The following PRKCA variants were observed in gnomAD, a reference collection of about 807,000 sequenced individuals.
PRKCA encodes the protein protein kinase C alpha type.
In PRKCA, 27 loss-of-function variants were observed where a neutral mutation model predicts 87.0. The observed-to-expected ratio is 0.31, with a 90% CI of 0.23 to 0.43. The LOEUF is 0.43. Among genes scored for constraint, PRKCA ranks in the 20% least tolerant of loss-of-function variants. The probability of loss-of-function intolerance (pLI) is 1.00; values close to 1 mark genes in which losing one functional copy is unlikely to be tolerated. For missense variants in PRKCA, 518 were observed against 852.3 expected, an observed-to-expected ratio of 0.61 and a Z score of 4.88; for synonymous variants, 329 against 311.1, an observed-to-expected ratio of 1.06 and a Z score of -0.61.
chr17:66,806,730 C>G lies in PRKCA; in HGVS notation c.*2693C>G, dbSNP rs956456162. 4.6e-5 allele frequency: 7 copies of G among 152,252 alleles called. No homozygotes were observed. Among genetic ancestry groups the G allele is most frequent in the Non-Finnish European group, 8.8e-5 (6 of 68,062 alleles). 9.4% of individuals were successfully genotyped at this position (152,252 alleles called of 1,614,324 possible). The stretch of plus-strand genomic sequence containing the variant: ...CCCCAACACCCACAAGTTTGTTTCT[C>G]TAGGAAACACATTCACTGTCTCAGC... On this transcript the variant is annotated 3_prime_UTR_variant, in exon 17 of 17. Coordinates refer to ENST00000413366, the MANE Select transcript of PRKCA (RefSeq NM_002737.3).
chr17:66,399,917 A>G (rs1042087969), intron 2 of PRKCA, among the ~76,000 whole-genome samples: 4 of 152,298 alleles, frequency 2.6e-5, no homozygotes, highest in Admixed American at 6.5e-5. Flanking sequence ...GAATATTTGC[A>G]TAATTCTTCC....
At chr17:66,459,083 G>A (rs536102318) in intron 2 of PRKCA, among the ~76,000 whole-genome samples, 3 of 152,094 alleles carry the variant, frequency 2.0e-5, no homozygotes, top group Middle Eastern at 3.4e-3. Flanking sequence ...AAAAAAAAAA[G>A]GGATAATGAT....
intron 14 of PRKCA, among the ~76,000 whole-genome samples, chr17:66,780,406 G>T (rs1180784862): frequency 6.6e-6 from 1 of 152,160 alleles, no homozygotes; most frequent in Non-Finnish European, 1.5e-5. Flanking sequence ...GCTGGGTACG[G>T]TGGTTCACAC....
chr17:66,328,163 C>T (rs1906100359), intron 2 of PRKCA, among the ~76,000 whole-genome samples: 1 of 152,114 alleles, frequency 6.6e-6, no homozygotes. Flanking sequence ...GCCTCAGCCT[C>T]CAGAGTAGCT....
chr17:66,541,433 T>C (rs1237549677), intron 3 of PRKCA, among the ~76,000 whole-genome samples: 1 of 152,240 alleles, frequency 6.6e-6, no homozygotes, highest in African/African-American at 2.4e-5. Context: ...CTGTTGCTTA[T>C]ATTGATTTCT....
chr17:66,802,728 T>A (rs931149980), intron 16 of PRKCA, among the ~76,000 whole-genome samples: 6 of 152,188 alleles, frequency 3.9e-5, no homozygotes, highest in African/African-American at 1.4e-4. Flanking sequence ...GTGTGATTGT[T>A]CTCCCAGTGT....
At chr17:66,516,081 G>A (rs770872598) in intron 3 of PRKCA, among the ~76,000 whole-genome samples, 1 of 152,198 alleles carries the variant, frequency 6.6e-6, no homozygotes, top group Non-Finnish European at 1.5e-5. Context: ...TTGAAGCAAA[G>A]CATGTGTATT....
At chr17:66,517,171 C>T (rs373521514) in intron 3 of PRKCA, among the ~76,000 whole-genome samples, 1 of 152,062 alleles carries the variant, frequency 6.6e-6, no homozygotes, top group African/African-American at 2.4e-5. Flanking sequence ...GTAGTCCCAG[C>T]TACTTGGGAG....
chr17:66,747,430 G>A (rs528930491), intron 13 of PRKCA, among the ~76,000 whole-genome samples: 2 of 152,274 alleles, frequency 1.3e-5, no homozygotes, highest in East Asian at 1.9e-4. Flanking sequence ...TCGCTATGGC[G>A]GGGGCTACGT....
rs138794065 is a variant in PRKCA at position 66,610,809 on chromosome 17, C to T, written c.289-30546C>T. Among the ~76,000 whole-genome samples, 306 of 152,158 alleles carry T rather than the reference C, an allele frequency of 2.0e-3. 1 individual carries two copies. Among genetic ancestry groups the T allele is most frequent in the African/African-American group, 6.4e-3 (265 of 41,496 alleles). On this transcript the variant is annotated intron_variant, in intron 3 of 16. Transcript: ENST00000413366. The stretch of plus-strand genomic sequence containing the variant: ...GCACAACCTAAGATCTAAGCTGACC[C>T]GACTGGCTACTGTTTGAAATTGCGG...
At chr17:66,680,059 A>G (rs1431834670) in intron 5 of PRKCA, among the ~76,000 whole-genome samples, 1 of 152,232 alleles carries the variant, frequency 6.6e-6, no homozygotes, top group Non-Finnish European at 1.5e-5. Context: ...GACAAGGCTC[A>G]TGGGTTGTGG....
chr17:66,641,631 G>A (rs548325370), intron 4 of PRKCA, among the ~76,000 whole-genome samples, 165 bp downstream of exon 4: 1 of 150,958 alleles, frequency 6.6e-6, no homozygotes, highest in Non-Finnish European at 1.5e-5. Context: ...CACTGTCAAA[G>A]TTCCAGGTTA....
intron 2 of PRKCA, among the ~76,000 whole-genome samples, chr17:66,420,011 T>TC (rs1404596745): frequency 6.6e-6 from 1 of 150,940 alleles, no homozygotes; most frequent in East Asian, 1.9e-4. Flanking sequence ...TCTTTTTTTT[T>TC]TTTTTTTTTT....
In PRKCA at chr17:66,569,279, A is replaced by T. The variant is rs562048883; in HGVS notation, c.289-72076A>T. Among the ~76,000 whole-genome samples, 28 of 152,086 alleles carry T rather than the reference A, an allele frequency of 1.8e-4. No individual in the cohort carries two copies. The South Asian group carries it at 5.0e-3, about 27-fold the overall frequency. On this transcript the variant is annotated intron_variant, in intron 3 of 16. Transcript: ENST00000413366. ...GTTAAAGGGCTTGTGTCCTGAATTTAAAAAAAAGGTCAGGTGCGGTGGCTC... is the reference window on the plus strand; with the variant it reads ...GTTAAAGGGCTTGTGTCCTGAATTTTAAAAAAAGGTCAGGTGCGGTGGCTC...
At chr17:66,435,100 G>T (rs1913304947) in intron 2 of PRKCA, among the ~76,000 whole-genome samples, 1 of 152,170 alleles carries the variant, frequency 6.6e-6, no homozygotes, top group Non-Finnish European at 1.5e-5. Flanking sequence ...AAATTCAAAT[G>T]CCAGGCTTTT....
intron 3 of PRKCA, among the ~76,000 whole-genome samples, chr17:66,589,447 G>T (rs543786366): frequency 1.3e-5 from 2 of 152,154 alleles, no homozygotes; most frequent in Non-Finnish European, 2.9e-5. Flanking sequence ...TTTAATGGCT[G>T]TGTAGTATTC....
chr17:66,795,734 A>G (rs1303604564), intron 16 of PRKCA, among the ~76,000 whole-genome samples: 2 of 152,238 alleles, frequency 1.3e-5, no homozygotes, highest in Non-Finnish European at 2.9e-5. Context: ...AAGGTTTCCA[A>G]CAACGATGGC....
At chr17:66,308,686 C>T (rs117978364) in intron 2 of PRKCA, among the ~76,000 whole-genome samples, 3,460 of 152,176 alleles carry the variant, frequency 0.023, 46 homozygotes, top group Non-Finnish European at 0.032. Context: ...CTGTATTTGA[C>T]TTCTAGTAGG....
chr17:66,582,216 G>A (rs570022077), intron 3 of PRKCA, among the ~76,000 whole-genome samples: 1 of 152,334 alleles, frequency 6.6e-6, no homozygotes, highest in Admixed American at 6.5e-5. Context: ...TCTTGGCTAA[G>A]AGGGATACTT....
Sources: gnomAD v4.1 joint callset for allele counts (sites outside exome capture counted in the v4.1 genomes callset) on GRCh38, gnomAD v4.1.1 for gene constraint, MANE v1.5 for transcripts, NCBI Gene and HGNC (gene_info 2026-07-23, HGNC 2026-07-21) for gene names.